MACROD2: variants seen among roughly 807,000 people sequenced by gnomAD.
MACROD2 encodes the protein mono-ADP ribosylhydrolase 2, also known as ADP-ribose glycohydrolase MACROD2.
MACROD2 carries 36 observed loss-of-function variants against 70.4 expected under a neutral mutation model. That is an observed-to-expected ratio of 0.51 (90% CI 0.39 to 0.68). MACROD2 has a LOEUF of 0.68. MACROD2 is among the 30% of genes least tolerant of loss of function. The probability of loss-of-function intolerance (pLI) is 0.00; values close to 1 mark genes in which losing one functional copy is unlikely to be tolerated. For missense variants in MACROD2, 496 were observed against 538.4 expected (o/e 0.92, Z 0.78); for synonymous variants, 172 against 178.8 (o/e 0.96, Z 0.30).
chr20:15,945,779 A>G (rs180931671), intron 12 of MACROD2, among the ~76,000 whole-genome samples: 208 of 152,264 alleles, frequency 1.4e-3, no homozygotes, highest in East Asian at 4.4e-3. Context: ...AGTTTCCCAA[A>G]AGCTAGAACC....
intron 5 of MACROD2, among the ~76,000 whole-genome samples, chr20:14,965,049 C>T (rs900377446): frequency 5.9e-5 from 9 of 152,108 alleles, no homozygotes; most frequent in Non-Finnish European, 7.4e-5. Context: ...TGTTTAGTGT[C>T]GGCAAAGGTT....
rs748011673 is a variant in MACROD2 at position 14,012,867 on chromosome 20, G to T, written c.163+10463G>T. The stretch of plus-strand genomic sequence containing the variant: ...GTCACCGCAATAGCAATAGAAGGTG[G>T]CTAAGAAATATTACAGTAGTACAGT... On this transcript the variant is annotated intron_variant, in intron 2 of 17. Coordinates refer to ENST00000684519, the MANE Select transcript of MACROD2 (RefSeq NM_001351661.2). Among the ~76,000 whole-genome samples the T allele has an allele frequency of 1.1e-4, 17 of 152,162 alleles. 1 individual carries two copies. The highest frequency in any genetic ancestry group is 2.2e-4 in the Non-Finnish European group (15 of 68,032).
In MACROD2 at chr20:15,596,120, C is replaced by T. The variant is rs536685336; in HGVS notation, c.645+96273C>T. Among the ~76,000 whole-genome samples the T allele has an allele frequency of 2.0e-5, 3 of 152,226 alleles. No homozygotes were observed. In the East Asian group the frequency reaches 5.8e-4, roughly 29 times the overall value. On this transcript the variant is annotated intron_variant, in intron 8 of 17. Coordinates refer to ENST00000684519, the MANE Select transcript of MACROD2 (RefSeq NM_001351661.2). ...CCTGACATTAACCCCTACTTTTTAC[C>T]AATTCCAAAATAATCTAAACAAAGA...
chr20:15,854,488 G>A (rs543114920), intron 8 of MACROD2, among the ~76,000 whole-genome samples: 1 of 152,318 alleles, frequency 6.6e-6, no homozygotes, highest in African/African-American at 2.4e-5. Context: ...GAGGACTCTA[G>A]TGCAACTAAC....
chr20:14,347,418 G>A (rs16994501), intron 3 of MACROD2, among the ~76,000 whole-genome samples: 22 of 152,158 alleles, frequency 1.4e-4, no homozygotes, highest in Middle Eastern at 3.4e-3. Flanking sequence ...TAATAATATC[G>A]ATGTAATGAG....
At chr20:14,500,744 A>C (rs2084906867) in intron 4 of MACROD2, among the ~76,000 whole-genome samples, 1 of 152,164 alleles carries the variant, frequency 6.6e-6, no homozygotes, top group Non-Finnish European at 1.5e-5. Flanking sequence ...ACATGCTCCC[A>C]CTTCTAAGTG....
intron 7 of MACROD2, among the ~76,000 whole-genome samples, chr20:15,440,421 C>G (rs1268318931): frequency 6.6e-6 from 1 of 152,172 alleles, no homozygotes. Flanking sequence ...TTTCTGCTAT[C>G]CACCACATGC....
intron 5 of MACROD2, among the ~76,000 whole-genome samples, chr20:14,735,183 T>C (rs185735071): frequency 2.0e-5 from 3 of 152,220 alleles, no homozygotes; most frequent in Admixed American, 2.0e-4. Context: ...AACGACACTA[T>C]GAAGAAAGTG....
At chr20:14,774,945 A>G (rs982605802) in intron 5 of MACROD2, among the ~76,000 whole-genome samples, 12 of 152,102 alleles carry the variant, frequency 7.9e-5, no homozygotes, top group African/African-American at 2.9e-4. Context: ...GAAAACTACC[A>G]CAATTACCAA....
intron 5 of MACROD2, among the ~76,000 whole-genome samples, chr20:14,766,694 C>T (rs204110): frequency 6.6e-6 from 1 of 152,006 alleles, no homozygotes; most frequent in African/African-American, 2.4e-5. Flanking sequence ...GACTGTGCTC[C>T]AAGGAATCCA....
At chr20:15,340,465 A>G (rs2078099126) in intron 6 of MACROD2, among the ~76,000 whole-genome samples, 1 of 152,176 alleles carries the variant, frequency 6.6e-6, no homozygotes, top group African/African-American at 2.4e-5. Context: ...TCTCCTTTGA[A>G]TAGACCTAAC....
chr20:16,043,875 T>C (rs909533142), intron 16 of MACROD2, among the ~76,000 whole-genome samples: 1 of 152,090 alleles, frequency 6.6e-6, no homozygotes, highest in Non-Finnish European at 1.5e-5. Context: ...TAGATATCTA[T>C]TAAAGCCTTT....
intron 5 of MACROD2, among the ~76,000 whole-genome samples, chr20:14,853,628 T>C (rs2073222928): frequency 6.6e-6 from 1 of 152,124 alleles, no homozygotes; most frequent in African/African-American, 2.4e-5. Context: ...ACTTTTCTTT[T>C]TTTCTCCTCT....
At chr20:15,132,404 T>G (rs1446063775) in intron 5 of MACROD2, among the ~76,000 whole-genome samples, 2 of 151,978 alleles carry the variant, frequency 1.3e-5, no homozygotes, top group Non-Finnish European at 2.9e-5. Flanking sequence ...ATAGATAACT[T>G]GATAGCCAGT....
intron 3 of MACROD2, among the ~76,000 whole-genome samples, chr20:14,322,091 C>T (rs1244045448): frequency 2.1e-5 from 3 of 144,164 alleles, no homozygotes; most frequent in African/African-American, 5.1e-5. Flanking sequence ...TTATTAATAT[C>T]ATTTAGTTTG....
At chr20:15,461,773 G>A (rs773893865) in intron 7 of MACROD2, among the ~76,000 whole-genome samples, 9 of 152,042 alleles carry the variant, frequency 5.9e-5, no homozygotes, top group Admixed American at 1.3e-4. Context: ...CAGTTACTTT[G>A]CCACATGACA....
intron 5 of MACROD2, among the ~76,000 whole-genome samples, chr20:14,979,995 A>G (rs185049711): frequency 3.9e-5 from 6 of 152,266 alleles, no homozygotes; most frequent in Admixed American, 3.9e-4. Context: ...ATCCCCTGCC[A>G]CTTGGTAATA....
intron 5 of MACROD2, among the ~76,000 whole-genome samples, chr20:14,738,828 T>C (rs2071699870): frequency 6.6e-6 from 1 of 151,904 alleles, no homozygotes. Flanking sequence ...ATCCTTAATA[T>C]AGAGTACGCT....
At position 14,085,582 on chromosome 20, in the gene MACROD2, AT is replaced by A. The variant is rs762157420; in HGVS notation, c.164-38del. On this transcript the variant is annotated intron_variant, in intron 2 of 17. Transcript: ENST00000684519. The stretch of plus-strand genomic sequence containing the variant: ...AAAATTATCTCGATTAAGTTAATTA[AT>A]AATATTATTATTGATATATATCCAT... The A allele has an allele frequency of 1.7e-4, 193 of 1,162,826 alleles. No homozygotes were observed. In the East Asian group the frequency reaches 2.5e-3, roughly 15 times the overall value. The allele number at this position is 1,162,826 out of a possible 1,614,324, so 72.0% of individuals were successfully genotyped here. A position where few individuals can be genotyped will look rare whatever the true frequency, so the allele number is the denominator to read the frequency against.
Sources: gnomAD v4.1 joint callset for allele counts (sites outside exome capture counted in the v4.1 genomes callset) on GRCh38, gnomAD v4.1.1 for gene constraint, MANE v1.5 for transcripts, NCBI Gene and HGNC (gene_info 2026-07-23, HGNC 2026-07-21) for gene names.